The following GRM5 variants were observed in gnomAD, a reference collection of about 807,000 sequenced individuals.
GRM5 encodes glutamate metabotropic receptor 5.
In GRM5, 19 loss-of-function variants were observed where a neutral mutation model predicts 83.1. That is an observed-to-expected ratio of 0.23 (90% CI 0.16 to 0.34). GRM5 has a LOEUF of 0.34. Among genes scored for constraint, GRM5 ranks in the 10% least tolerant of loss-of-function variants. GRM5 has a pLI of 1.00. For missense variants in GRM5, 1,160 were observed against 1,588.3 expected, an observed-to-expected ratio of 0.73 and a Z score of 4.58; for synonymous variants, 675 against 633.6, an observed-to-expected ratio of 1.07 and a Z score of -0.98.
chr11:88,813,056 G>A (rs537383788), intron 3 of GRM5, among the ~76,000 whole-genome samples: 1 of 151,994 alleles, frequency 6.6e-6, no homozygotes, highest in South Asian at 2.1e-4. Flanking sequence ...TTAACTCCGG[G>A]GAAGATTAGT....
At chr11:88,541,805 A>C (rs937817789) in intron 8 of GRM5, among the ~76,000 whole-genome samples, 16 of 152,192 alleles carry the variant, frequency 1.1e-4, no homozygotes, top group Admixed American at 2.0e-4. Context: ...GTCCCCACTC[A>C]AATCTCATCT....
intron 3 of GRM5, among the ~76,000 whole-genome samples, chr11:88,829,753 G>A (rs1943953817): frequency 1.3e-5 from 2 of 151,962 alleles, no homozygotes; most frequent in African/African-American, 4.8e-5. Flanking sequence ...TACAAAACAA[G>A]AAAACAAAAC....
chr11:88,795,400 G>A (rs1269516045), intron 3 of GRM5, among the ~76,000 whole-genome samples: 2 of 152,180 alleles, frequency 1.3e-5, no homozygotes, highest in African/African-American at 4.8e-5. Flanking sequence ...GCTTGAAGTG[G>A]ACTATGCAGT....
chr11:88,605,732 G>A (rs1181333679), intron 4 of GRM5, among the ~76,000 whole-genome samples: 1 of 152,140 alleles, frequency 6.6e-6, no homozygotes, highest in African/African-American at 2.4e-5. Flanking sequence ...AGGCCCAAAG[G>A]AGTGAGAAAT....
intron 8 of GRM5, among the ~76,000 whole-genome samples, chr11:88,535,589 G>A (rs1942114997): frequency 6.6e-6 from 1 of 152,142 alleles, no homozygotes; most frequent in African/African-American, 2.4e-5. Flanking sequence ...AGATTAATTT[G>A]TTATCATTTA....
At chr11:88,928,476 A>T (rs596888) in intron 2 of GRM5, among the ~76,000 whole-genome samples, 5 of 27,416 alleles carry the variant, frequency 1.8e-4, no homozygotes, top group African/African-American at 2.4e-4. Context: ...ATATATATAT[A>T]TATATATGTA....
At chr11:88,987,187 C>A (rs1223721152) in intron 2 of GRM5, among the ~76,000 whole-genome samples, 1 of 152,094 alleles carries the variant, frequency 6.6e-6, no homozygotes, top group African/African-American at 2.4e-5. Flanking sequence ...TGAGGCATTG[C>A]CTCACTCGGG....
At chr11:88,552,850 A>C (rs1241040114) in intron 8 of GRM5, among the ~76,000 whole-genome samples, 2 of 152,110 alleles carry the variant, frequency 1.3e-5, no homozygotes, top group African/African-American at 2.4e-5. Context: ...GTCACAGAGC[A>C]GTGTCTGTAC....
chr11:88,802,480 C>A (rs1943416285), intron 3 of GRM5, among the ~76,000 whole-genome samples: 1 of 107,520 alleles, frequency 9.3e-6, no homozygotes, highest in African/African-American at 6.0e-5. Flanking sequence ...TGACAAAATT[C>A]AACAACCTTC....
At chr11:88,765,476 A>G (rs757882544) in intron 3 of GRM5, among the ~76,000 whole-genome samples, 6 of 151,486 alleles carry the variant, frequency 4.0e-5, no homozygotes, top group African/African-American at 7.3e-5. Flanking sequence ...AGTAATCGTA[A>G]CAGTGTGGTT....
rs1554994066 is a variant in GRM5, at chr11:88,687,584, A to ATATAT, written c.912-34186_912-34182dup. On this transcript the variant is annotated intron_variant, in intron 3 of 9. Coordinates refer to ENST00000305447, the MANE Select transcript of GRM5 (RefSeq NM_001143831.3). ...TATTATATATATATATATATAATATATATATATATATATTCTCCACATGTG... is the reference window on the plus strand; with the variant it reads ...TATTATATATATATATATATAATATATATATTATATATATATATTCTCCACATGTG... 2.3e-4 allele frequency among the ~76,000 whole-genome samples: 18 copies of ATATAT among 76,714 alleles called. 3 individuals are homozygous for ATATAT. Among genetic ancestry groups the ATATAT allele is most frequent in the South Asian group, 3.6e-4 (1 of 2,792 alleles). The allele number at this position is 76,714 out of a possible 152,430, so 50.3% of individuals were successfully genotyped here.
At chr11:88,802,992 C>T (rs1403753106) in intron 3 of GRM5, among the ~76,000 whole-genome samples, 1 of 132,524 alleles carries the variant, frequency 7.5e-6, no homozygotes, top group Non-Finnish European at 1.5e-5. Context: ...CATGAAGGAA[C>T]TCTTCAAGAA....
chr11:88,805,460 G>T (rs1417159952), intron 3 of GRM5, among the ~76,000 whole-genome samples: 2 of 152,164 alleles, frequency 1.3e-5, no homozygotes, highest in Non-Finnish European at 2.9e-5. Flanking sequence ...AAACTGCTGG[G>T]ATTACAGGTG....
At chr11:88,972,826 T>C (rs1939208274) in intron 2 of GRM5, among the ~76,000 whole-genome samples, 2 of 152,128 alleles carry the variant, frequency 1.3e-5, no homozygotes, top group South Asian at 4.1e-4. Context: ...ATAATAAATG[T>C]TACCATCATC....
intron 2 of GRM5, among the ~76,000 whole-genome samples, chr11:88,876,467 C>A (rs1268118551): frequency 6.6e-6 from 1 of 152,130 alleles, no homozygotes; most frequent in East Asian, 1.9e-4. Context: ...TGTGTGTTCA[C>A]TGGAGTAGCA....
At chr11:88,662,257 T>G (rs1939926347) in intron 3 of GRM5, among the ~76,000 whole-genome samples, 1 of 152,140 alleles carries the variant, frequency 6.6e-6, no homozygotes, top group African/African-American at 2.4e-5. Context: ...CAAAACCCCA[T>G]GACAAATGTA....
intron 3 of GRM5, among the ~76,000 whole-genome samples, chr11:88,693,277 C>A (rs1940823725): frequency 6.6e-6 from 1 of 151,930 alleles, no homozygotes; most frequent in Non-Finnish European, 1.5e-5. Context: ...CAGTTTCATA[C>A]AGAGTTGTAC....
intron 3 of GRM5, among the ~76,000 whole-genome samples, chr11:88,675,499 A>G (rs1358589966): frequency 6.6e-6 from 1 of 151,944 alleles, no homozygotes; most frequent in Non-Finnish European, 1.5e-5. Context: ...TAGAGTATTT[A>G]TGTCTTCAAG....
intron 2 of GRM5, among the ~76,000 whole-genome samples, chr11:89,017,238 T>C (rs1940880511): frequency 6.6e-6 from 1 of 152,194 alleles, no homozygotes; most frequent in Middle Eastern, 3.2e-3. Context: ...CTTCTGAGTA[T>C]TACCTTGGCT....
Sources: allele counts gnomAD v4.1 joint callset (sites outside exome capture counted in the v4.1 genomes callset), GRCh38; gene constraint gnomAD v4.1.1; transcripts MANE v1.5; gene names NCBI Gene and HGNC (gene_info 2026-07-23, HGNC 2026-07-21).